The following HERPUD2 variants were observed in gnomAD, a reference collection of about 807,000 sequenced individuals.
HERPUD2 encodes the protein homocysteine-responsive endoplasmic reticulum-resident ubiquitin-like domain member 2 protein.
Under a neutral mutation model 49.9 loss-of-function variants are expected in HERPUD2, and 13 were observed. The observed-to-expected ratio is 0.26, with a 90% CI of 0.17 to 0.41. The LOEUF (loss-of-function observed/expected upper bound fraction) is 0.41. HERPUD2 is among the 10% of genes least tolerant of loss of function. The pLI, the probability that HERPUD2 is intolerant of heterozygous loss-of-function variation, is 1.00. For missense variants in HERPUD2, 449 were observed against 492.2 expected, an observed-to-expected ratio of 0.91 and a Z score of 0.83; for synonymous variants, 172 against 171.4, an observed-to-expected ratio of 1.00 and a Z score of -0.03.
rs1279749712 is a variant in HERPUD2 at position 35,635,434 on chromosome 7, G to A, written c.642C>T (p.Ala214=). The A allele has an allele frequency of 1.2e-6, 2 of 1,612,472 alleles. No homozygotes were observed. The highest frequency in any genetic ancestry group is 1.7e-5 in the Admixed American group (1 of 59,976). The part of the protein sequence containing the change: ...MQYQAAVSAQ[A]TSNVNPTQPT... ...GCTGGGTTGGGTTGACATTTGATGT[G>A]GCCTGAGCTGAAACTGCAGCTTGAC... is the stretch of plus-strand genomic sequence containing the variant. Residue 214 remains alanine (A), a synonymous_variant, in exon 7 of 9, where the codon GCC becomes GCT. Transcript: ENST00000311350.
intron 2 of HERPUD2, among the ~76,000 whole-genome samples, chr7:35,687,211 A>G (rs1228570785): frequency 1.3e-5 from 2 of 152,216 alleles, no homozygotes; most frequent in African/African-American, 4.8e-5. Flanking sequence ...TAATATAAGA[A>G]TTCAGAAGAC....
intron 5 of HERPUD2, among the ~76,000 whole-genome samples, chr7:35,648,112 G>A (rs1228469299): frequency 6.6e-6 from 1 of 151,942 alleles, no homozygotes; most frequent in Non-Finnish European, 1.5e-5. Context: ...CAACATTACC[G>A]AGAAAGTAAA....
Position 35,660,793 on chromosome 7 carries a change from G to C in HERPUD2, c.494+6641C>G, listed in dbSNP as rs1456241683. ...CTGGATATTAGCCCTTTGTCAGATGGGTATATTATAAAAATTTTCTCCCAT... is the reference window on the plus strand; with the variant it reads ...CTGGATATTAGCCCTTTGTCAGATGCGTATATTATAAAAATTTTCTCCCAT... On this transcript the variant is annotated intron_variant, in intron 5 of 8. Coordinates refer to ENST00000311350, the MANE Select transcript of HERPUD2 (RefSeq NM_022373.5). Among the ~76,000 whole-genome samples the C allele has an allele frequency of 4.6e-5, 7 of 152,062 alleles. No homozygotes were observed. The East Asian group carries it at 1.4e-3, about 29-fold the overall frequency.
At chr7:35,653,889 A>ATTAACACCAATT (rs1785219792) in intron 5 of HERPUD2, among the ~76,000 whole-genome samples, 1 of 152,124 alleles carries the variant, frequency 6.6e-6, no homozygotes, top group Non-Finnish European at 1.5e-5. Context: ...AATCCCAGCT[A>ATTAACACCAATT]CTCAGGAGGC....
chr7:35,644,256 TAA>T (rs1163850886), intron 5 of HERPUD2, among the ~76,000 whole-genome samples: 4 of 140,850 alleles, frequency 2.8e-5, no homozygotes, highest in Admixed American at 7.1e-5. Flanking sequence ...ATAATTCCTT[TAA>T]AAAAAAAAAA....
At chr7:35,664,386 A>C (rs1785494454) in intron 5 of HERPUD2, among the ~76,000 whole-genome samples, 2 of 152,086 alleles carry the variant, frequency 1.3e-5, no homozygotes, top group South Asian at 2.1e-4. Context: ...GCTATTCTCG[A>C]GGAGTATCTT....
At chr7:35,685,104 G>C (rs1318265880) in intron 2 of HERPUD2, among the ~76,000 whole-genome samples, 1 of 151,854 alleles carries the variant, frequency 6.6e-6, no homozygotes, top group African/African-American at 2.4e-5. Flanking sequence ...AGCTGGGCAT[G>C]GTGGTGCATG....
chr7:35,658,965 C>T (rs1412166771), intron 5 of HERPUD2, among the ~76,000 whole-genome samples: 8 of 152,194 alleles, frequency 5.3e-5, no homozygotes, highest in African/African-American at 1.9e-4. Context: ...CATCTCAAAA[C>T]TAGTGATTCA....
chr7:35,658,590 TAAC>T (rs1307945543), intron 5 of HERPUD2, among the ~76,000 whole-genome samples: 1 of 152,102 alleles, frequency 6.6e-6, no homozygotes, highest in Non-Finnish European at 1.5e-5. Flanking sequence ...TATGTGCAAA[TAAC>T]AATTTTAAAA....
At chr7:35,668,232 T>C (rs543276389) in intron 4 of HERPUD2, among the ~76,000 whole-genome samples, 5 of 152,214 alleles carry the variant, frequency 3.3e-5, no homozygotes, top group Non-Finnish European at 5.9e-5. Context: ...TAGAATTCTA[T>C]TAGTTTATAG....
At position 35,634,409 on chromosome 7, in the gene HERPUD2, G is replaced by A. The variant is rs1413909890; in HGVS notation, c.962C>T (p.Pro321Leu). The change falls in exon 8 of 9, where the codon CCT becomes CTT. Residue 321 changes from proline (P) to leucine (L), a missense_variant. Transcript: ENST00000311350. Reference protein sequence around the residue: ...LVYLHQAGWFPFRQEGGHQQA... With the variant: ...LVYLHQAGWFLFRQEGGHQQA... ...CTGATGACCTCCTTCTTGCCTAAAA[G>A]GAAACCATCCAGCTTGGTGTCTGTT... The A allele has an allele frequency of 2.5e-6, 4 of 1,612,518 alleles. No homozygotes were observed. The Admixed American group carries it at 5.0e-5, about 20-fold the overall frequency.
At chr7:35,693,568 A>C (rs1786239944) in intron 2 of HERPUD2, among the ~76,000 whole-genome samples, 1 of 150,908 alleles carries the variant, frequency 6.6e-6, no homozygotes, top group African/African-American at 2.4e-5. Context: ...TTTTTTTTTT[A>C]AGAAAGGATA....
chr7:35,637,275 A>C (rs1784888063), intron 6 of HERPUD2, among the ~76,000 whole-genome samples: 1 of 152,218 alleles, frequency 6.6e-6, no homozygotes, highest in Non-Finnish European at 1.5e-5. Flanking sequence ...GAGCTATTGA[A>C]GTCAAGTGGA....
chr7:35,637,340 C>CA (rs1784888758), intron 6 of HERPUD2, among the ~76,000 whole-genome samples: 1 of 152,098 alleles, frequency 6.6e-6, no homozygotes, highest in Non-Finnish European at 1.5e-5. Context: ...TGGGGAAGGA[C>CA]AAAAGCTCTA....
intron 2 of HERPUD2, among the ~76,000 whole-genome samples, chr7:35,689,078 A>C (rs1423929547): frequency 6.6e-6 from 1 of 152,234 alleles, no homozygotes; most frequent in Admixed American, 6.5e-5. Flanking sequence ...AGCAGAATTT[A>C]TTATGTTAAA....
rs201373686 is a variant in HERPUD2 at position 35,670,244 on chromosome 7, G to A, written c.310C>T (p.His104Tyr). ...TTGCTGCTGGATGCCAATGCTTCAT[G>A]ACTTTCTCTATTGGTGCTGGATTTT... ...SPKSSTNRES[H>Y]EALASSSNSS... The change falls in exon 4 of 9, where the codon CAT (histidine) becomes TAT (tyrosine). Residue 104 changes from histidine to tyrosine, a missense_variant. Transcript: ENST00000311350. 98 of 1,581,400 alleles carry A rather than the reference G, an allele frequency of 6.2e-5. No individual in the cohort carries two copies. Among genetic ancestry groups the A allele is most frequent in the Non-Finnish European group, 8.0e-5 (93 of 1,159,694 alleles).
intron 5 of HERPUD2, among the ~76,000 whole-genome samples, chr7:35,660,213 T>C (rs1377442978): frequency 6.6e-6 from 1 of 152,250 alleles, no homozygotes; most frequent in East Asian, 1.9e-4. Context: ...CAACGTATCC[T>C]TTTTTATGGC....
At chr7:35,648,709 A>C (rs1248150701) in intron 5 of HERPUD2, among the ~76,000 whole-genome samples, 1 of 152,228 alleles carries the variant, frequency 6.6e-6, no homozygotes, top group African/African-American at 2.4e-5. Context: ...CCATGAGAAG[A>C]ATGTGTGCCA....
chr7:35,633,693 A>G lies in HERPUD2; in HGVS notation c.1218T>C (p.Asn406=), dbSNP rs1257542739. ...GTAGCTGGCACAGTTTTTCAGGTCA[A>G]TTGGCAACCTGGGGAGGCCCCTCTG... ...LIPEGPPQVA[N] The change falls in exon 9 of 9, where the codon AAT becomes AAC. Residue 406 remains asparagine, a synonymous_variant. Transcript: ENST00000311350. 28 of 1,612,766 alleles carry G rather than the reference A, an allele frequency of 1.7e-5. No homozygotes were observed. Among genetic ancestry groups the G allele is most frequent in the African/African-American group, 2.7e-5 (2 of 74,960 alleles).
Sources: gnomAD v4.1 joint callset for allele counts (sites outside exome capture counted in the v4.1 genomes callset) on GRCh38, gnomAD v4.1.1 for gene constraint, MANE v1.5 for transcripts, NCBI Gene and HGNC (gene_info 2026-07-23, HGNC 2026-07-21) for gene names.